DOC2B: variants seen among roughly 807,000 people sequenced by gnomAD.
DOC2B encodes double C2-like domain-containing protein beta.
A neutral mutation model predicts 28.9 loss-of-function variants in DOC2B; 21 were observed. The ratio of observed to expected loss-of-function variants is 0.73; its 90% CI spans 0.52 to 1.05. DOC2B has a LOEUF of 1.05. DOC2B is among the 50% of genes least tolerant of loss of function. The pLI, the probability that DOC2B is intolerant of heterozygous loss-of-function variation, is 0.00. For missense variants in DOC2B, 384 were observed against 421.1 expected (o/e 0.91, Z 0.77); for synonymous variants, 194 against 178.1 (o/e 1.09, Z -0.71).
chr17:149,235 T>C, intron 6 of DOC2B, 43 bp from the exon 7 acceptor site: 1 of 399,378 alleles, frequency 2.5e-6, no homozygotes. Flanking sequence ...GGGGACATGC[T>C]ATGGGGTATA....
chr17:159,359 C>T (rs1041355336), intron 5 of DOC2B, among the ~76,000 whole-genome samples: 22 of 152,140 alleles, frequency 1.4e-4, no homozygotes, highest in Non-Finnish European at 2.6e-4. Context: ...GGCGTGGTGG[C>T]GCACACCTGT....
At chr17:157,609 A>C (rs1366236631) in intron 5 of DOC2B, among the ~76,000 whole-genome samples, 1 of 151,982 alleles carries the variant, frequency 6.6e-6, no homozygotes, top group Non-Finnish European at 1.5e-5. Flanking sequence ...CTACAGTCTA[A>C]TTTTTCTATT....
intron 1 of DOC2B, among the ~76,000 whole-genome samples, chr17:173,799 T>C (rs1715134390): frequency 6.6e-6 from 1 of 152,068 alleles, no homozygotes; most frequent in Non-Finnish European, 1.5e-5. Flanking sequence ...ACGGGCTTAG[T>C]GGCTGGTGTG....
Position 144,104 on chromosome 17 carries a change from G to T in DOC2B, c.*3337C>A. On this transcript the variant is annotated 3_prime_UTR_variant, in exon 9 of 9. Coordinates refer to ENST00000613549, the MANE Select transcript of DOC2B (RefSeq NM_003585.5). ...GGGGCGGCGGGCGGGGCGGCGGGCG[G>T]GGCGGCGCTGGAGGCAGCGCCTGGT... 1.6e-5 allele frequency: 2 copies of T among 122,106 alleles called. No individual in the cohort carries two copies. Among genetic ancestry groups the T allele is most frequent in the South Asian group, 4.5e-4 (2 of 4,416 alleles). The allele number at this position is 122,106 out of a possible 1,614,324, so 7.6% of individuals were successfully genotyped here.
At chr17:166,349 G>C (rs368482691) in intron 2 of DOC2B, among the ~76,000 whole-genome samples, 1 of 152,272 alleles carries the variant, frequency 6.6e-6, no homozygotes, top group Non-Finnish European at 1.5e-5. Context: ...GTCCACGGAA[G>C]GGGAAGGTCG....
intron 3 of DOC2B, among the ~76,000 whole-genome samples, chr17:162,894 C>G (rs113438924): frequency 6.6e-6 from 1 of 152,160 alleles, no homozygotes; most frequent in Non-Finnish European, 1.5e-5. Flanking sequence ...GTGGCCTCTC[C>G]GAGCTGGAAT....
rs9899125 is a variant in DOC2B at position 146,161 on chromosome 17, G to A, written c.*1280C>T. 120,242 of 152,116 alleles carry A rather than the reference G, an allele frequency of 0.79. 48,282 individuals carry two copies. The highest frequency in any genetic ancestry group is 0.86 in the East Asian group (4,407 of 5,152). The allele number at this position is 152,116 out of a possible 1,614,324, so 9.4% of individuals were successfully genotyped here. A position where few individuals can be genotyped will look rare whatever the true frequency, so the allele number is the denominator to read the frequency against. ...GGAGCTGGCCCCACAGGCCTCCCCA[G>A]AGACAAGGCCCTGGACGGCCACTGA... On this transcript the variant is annotated 3_prime_UTR_variant, in exon 9 of 9. Transcript: ENST00000613549.
chr17:161,967 C>T, intron 4 of DOC2B, 114 bp downstream of exon 4: 2 of 745,854 alleles, frequency 2.7e-6, no homozygotes, highest in Non-Finnish European at 4.5e-6. Context: ...GAGTTGCTGG[C>T]ATGAGGTTGA....
chr17:146,364 C>A lies in DOC2B; in HGVS notation c.*1077G>T, dbSNP rs1038863362. Reference sequence around the variant, plus strand: ...GGACCCTTTTCTCCACTGCAGCTGACCTGATGCTTATGCCAGGAAGGAGGA... The same window carrying A: ...GGACCCTTTTCTCCACTGCAGCTGAACTGATGCTTATGCCAGGAAGGAGGA... On this transcript the variant is annotated 3_prime_UTR_variant, in exon 9 of 9. Transcript: ENST00000613549. The A allele has an allele frequency of 1.3e-5, 2 of 152,228 alleles. No homozygotes were observed. Among genetic ancestry groups the A allele is most frequent in the African/African-American group, 4.8e-5 (2 of 41,422 alleles). The allele number at this position is 152,228 out of a possible 1,614,324, so 9.4% of individuals were successfully genotyped here.
chr17:150,463 ATTCT>A (rs2040060969), intron 6 of DOC2B, among the ~76,000 whole-genome samples: 1 of 151,842 alleles, frequency 6.6e-6, no homozygotes, highest in African/African-American at 2.4e-5. Context: ...TGTCCAGCTT[ATTCT>A]GCCCAGTTCC....
chr17:176,328 G>A (rs948215193), intron 1 of DOC2B, among the ~76,000 whole-genome samples: 13 of 150,002 alleles, frequency 8.7e-5, no homozygotes, highest in Non-Finnish European at 8.8e-5. Flanking sequence ...GACTACAGGC[G>A]CCCACCACCA....
intron 3 of DOC2B, chr17:163,799 G>A (rs1026189169): frequency 3.3e-6 from 1 of 302,208 alleles, no homozygotes; most frequent in Non-Finnish European, 6.2e-6. Flanking sequence ...AGAGTCCTTT[G>A]TTTGCACCTA....
At chr17:159,308 T>G (rs1008535650) in intron 5 of DOC2B, among the ~76,000 whole-genome samples, 4 of 151,756 alleles carry the variant, frequency 2.6e-5, no homozygotes, top group African/African-American at 9.7e-5. Flanking sequence ...CTGGCCAACA[T>G]GGCGAACCCC....
At chr17:154,839 C>A (rs2040115060) in intron 6 of DOC2B, among the ~76,000 whole-genome samples, 1 of 152,124 alleles carries the variant, frequency 6.6e-6, no homozygotes, top group Non-Finnish European at 1.5e-5. Flanking sequence ...AAGTGATTTT[C>A]CTGCCTCAGC....
At chr17:157,890 G>A (rs2040153675) in intron 5 of DOC2B, among the ~76,000 whole-genome samples, 1 of 152,248 alleles carries the variant, frequency 6.6e-6, no homozygotes, top group Admixed American at 6.5e-5. Context: ...CAGCCTGGAG[G>A]TTCAAAGAAA....
rs535818166 is a variant in DOC2B, at chr17:162,533, G to A, written c.529-343C>T. On this transcript the variant is annotated intron_variant, in intron 3 of 8. Coordinates refer to ENST00000613549, the MANE Select transcript of DOC2B (RefSeq NM_003585.5). ...GGGCCACAAGCCCAGGAGGGCCGAT[G>A]GCCTCTAGAAGCTGGAAGGAGCTAG... Among the ~76,000 whole-genome samples, 11 of 152,328 alleles carry A rather than the reference G, an allele frequency of 7.2e-5. No homozygotes were observed. The South Asian group carries it at 1.0e-3, about 14-fold the overall frequency.
At chr17:180,372 A>G (rs866684854) in intron 1 of DOC2B, among the ~76,000 whole-genome samples, 1 of 151,988 alleles carries the variant, frequency 6.6e-6, no homozygotes, top group African/African-American at 2.4e-5. Context: ...CCGGGGGCTC[A>G]GGGCTCAGTC....
chr17:153,214 C>A (rs939556971), intron 6 of DOC2B, among the ~76,000 whole-genome samples: 3 of 152,170 alleles, frequency 2.0e-5, no homozygotes, highest in Non-Finnish European at 4.4e-5. Context: ...CCAGCAGCAC[C>A]CACAGCAGCC....
chr17:181,447 G>T lies in DOC2B; in HGVS notation c.33C>A (p.Thr11=). 1 of 1,155,698 alleles carries T rather than the reference G, an allele frequency of 8.7e-7. No homozygotes were observed. Among genetic ancestry groups the T allele is most frequent in the South Asian group, 2.3e-5 (1 of 44,264 alleles). 71.6% of individuals were successfully genotyped at this position (1,155,698 alleles called of 1,614,324 possible). Residue 11 remains threonine, a synonymous_variant, in exon 1 of 9, where the codon ACC becomes ACA. Coordinates refer to ENST00000613549, the MANE Select transcript of DOC2B (RefSeq NM_003585.5). The surrounding 1 kb of genome is among the most constrained non-coding windows in gnomAD (Gnocchi z 7.0). ...TGGCCATATGCTCCTGGATGCTGAT[G>T]GTCGCCTTCTCCCCGCGCCGCCGGA... is the stretch of plus-strand genomic sequence containing the variant. MTLRRRGEKA[T]ISIQEHMAID...
Sources: gnomAD v4.1 joint callset for allele counts (sites outside exome capture counted in the v4.1 genomes callset) on GRCh38, gnomAD v4.1.1 for gene constraint, Gnocchi (gnomAD v3.1) non-coding constraint, MANE v1.5 for transcripts, NCBI Gene and HGNC (gene_info 2026-07-23, HGNC 2026-07-21) for gene names.